The following ARHGAP8 variants were observed in gnomAD, a reference collection of about 807,000 sequenced individuals.
ARHGAP8 encodes the protein Rho GTPase activating protein 8.
ARHGAP8 carries 62 observed loss-of-function variants against 46.1 expected under a neutral mutation model. The observed-to-expected ratio is 1.34, with a 90% CI of 1.10 to 1.66. The LOEUF is 1.66. Ranked by LOEUF, ARHGAP8 falls within the 40% of genes most tolerant of loss-of-function variation. ARHGAP8 has a pLI of 0.00. For synonymous variants in ARHGAP8, 375 were observed against 243.1 expected, an observed-to-expected ratio of 1.54 and a Z score of -5.05; for missense variants, 923 against 568.4, an observed-to-expected ratio of 1.62 and a Z score of -6.34.
intron 1 of ARHGAP8, among the ~76,000 whole-genome samples, chr22:44,779,398 G>A (rs923387319): frequency 1.3e-5 from 2 of 151,672 alleles, no homozygotes; most frequent in Non-Finnish European, 2.9e-5. Flanking sequence ...ACTGCGCCCG[G>A]CCGGTGTCTG....
chr22:44,801,167 A>G (rs183896258), intron 2 of ARHGAP8, among the ~76,000 whole-genome samples: 10 of 27,780 alleles, frequency 3.6e-4, no homozygotes, highest in South Asian at 2.3e-3. Flanking sequence ...GCAGCTGTCC[A>G]TGTGTGGGGG....
intron 3 of ARHGAP8, among the ~76,000 whole-genome samples, chr22:44,804,927 C>T (rs948589863): frequency 3.3e-5 from 5 of 152,194 alleles, no homozygotes; most frequent in East Asian, 3.8e-4. Flanking sequence ...TGCTGCTGCA[C>T]GGCGAGACCT....
intron 8 of ARHGAP8, among the ~76,000 whole-genome samples, chr22:44,846,028 C>T (rs1035480655): frequency 6.6e-6 from 1 of 152,108 alleles, no homozygotes; most frequent in East Asian, 1.9e-4. Flanking sequence ...CCCATCCCCA[C>T]CACCAAGGCA....
intron 7 of ARHGAP8, among the ~76,000 whole-genome samples, chr22:44,839,369 C>A (rs1190857672): frequency 6.6e-6 from 1 of 152,182 alleles, no homozygotes; most frequent in African/African-American, 2.4e-5. Flanking sequence ...ACCAAACCAC[C>A]CATCGAGATT....
At chr22:44,803,762 C>T (rs1928741904) in intron 3 of ARHGAP8, among the ~76,000 whole-genome samples, 1 of 135,174 alleles carries the variant, frequency 7.4e-6, no homozygotes. Context: ...CACACACCCC[C>T]TCCCATGCAC....
intron 1 of ARHGAP8, among the ~76,000 whole-genome samples, chr22:44,774,307 GT>G (rs1308030152): frequency 6.6e-6 from 1 of 152,174 alleles, no homozygotes; most frequent in Admixed American, 6.5e-5. Flanking sequence ...CCAAGATGTA[GT>G]GAACTTCCTG....
intron 3 of ARHGAP8, among the ~76,000 whole-genome samples, chr22:44,806,541 C>T (rs1928932885): frequency 6.6e-6 from 1 of 152,116 alleles, no homozygotes; most frequent in South Asian, 2.1e-4. Context: ...GTTGACTTGT[C>T]TATAAAATGG....
At chr22:44,788,612 T>C (rs920147553) in intron 2 of ARHGAP8, among the ~76,000 whole-genome samples, 2 of 152,142 alleles carry the variant, frequency 1.3e-5, no homozygotes, top group African/African-American at 2.4e-5. Flanking sequence ...CAGGCTGGTC[T>C]CGAACTCCTG....
At chr22:44,810,235 C>T (rs1018272840) in intron 4 of ARHGAP8, among the ~76,000 whole-genome samples, 1 of 140,614 alleles carries the variant, frequency 7.1e-6, no homozygotes, top group Admixed American at 7.4e-5. Context: ...CATATGGCAG[C>T]CTTTTTTTTT....
intron 1 of ARHGAP8, among the ~76,000 whole-genome samples, chr22:44,773,948 C>T (rs1224819091): frequency 1.3e-5 from 2 of 152,182 alleles, no homozygotes; most frequent in South Asian, 2.1e-4. Flanking sequence ...TTACTGCATA[C>T]CAGTCACATA....
At position 44,813,403 on chromosome 22, in the gene ARHGAP8, TAC is replaced by T. The variant is rs953093648; in HGVS notation, c.300-1267_300-1266del. On this transcript the variant is annotated intron_variant, in intron 4 of 11. Transcript: ENST00000356099. ...CCCACCTACAGTACATACACCCACA[TAC>T]AGACACCTACATGTACATACACTTA... Among the ~76,000 whole-genome samples the T allele has an allele frequency of 3.6e-5, 5 of 138,368 alleles. No homozygotes were observed. In the South Asian group the frequency reaches 7.3e-4, roughly 20 times the overall value. 90.8% of individuals were successfully genotyped at this position (138,368 alleles called of 152,430 possible).
At chr22:44,766,275 G>C (rs1375585907) in intron 1 of ARHGAP8, 1 of 152,844 alleles carries the variant, frequency 6.5e-6, no homozygotes, top group African/African-American at 2.4e-5. Context: ...GTGAGAGGTT[G>C]TGCGTCCCTG....
At chr22:44,803,142 G>T (rs1246917625) in intron 3 of ARHGAP8, among the ~76,000 whole-genome samples, 4 of 152,174 alleles carry the variant, frequency 2.6e-5, no homozygotes, top group African/African-American at 7.2e-5. Flanking sequence ...GAGAACTAAG[G>T]CCAGGAAATG....
rs1171048122 is a variant in ARHGAP8, at chr22:44,795,020, GAC to G, written c.80-7053_80-7052del. On this transcript the variant is annotated intron_variant, in intron 2 of 11. Transcript: ENST00000356099. ...CATGCCACTGCACTCCAGCCTGGGT[GAC>G]ACAGCCAAACTCTGTCTCAAAAAAA... 2.1e-5 allele frequency among the ~76,000 whole-genome samples: 3 copies of G among 144,596 alleles called. No homozygotes were observed. In the East Asian group the frequency reaches 6.2e-4, roughly 30 times the overall value. The allele number at this position is 144,596 out of a possible 152,430, so 94.9% of individuals were successfully genotyped here. A position where few individuals can be genotyped will look rare whatever the true frequency, so the allele number is the denominator to read the frequency against.
chr22:44,844,079 C>T (rs552368465), intron 7 of ARHGAP8, among the ~76,000 whole-genome samples: 164 of 152,296 alleles, frequency 1.1e-3, no homozygotes, highest in African/African-American at 3.9e-3. Context: ...TCAAGTGATT[C>T]TCCTGCCTCA....
In ARHGAP8 at chr22:44,848,180, G is replaced by A. The variant is rs535358564; in HGVS notation, c.748+130G>A. 1,363 of 1,334,446 alleles carry A rather than the reference G, an allele frequency of 1.0e-3. 1 individual carries two copies. The highest frequency in any genetic ancestry group is 1.3e-3 in the Non-Finnish European group (1,314 of 977,086). The allele number at this position is 1,334,446 out of a possible 1,614,324, so 82.7% of individuals were successfully genotyped here. The stretch of plus-strand genomic sequence containing the variant: ...CAACTCCCAGAAAACACTCAGGGTG[G>A]GGGCAGCTTCCCAGGAGGCATCGAG... On this transcript the variant is annotated intron_variant, in intron 9 of 11. Coordinates refer to ENST00000356099, the MANE Select transcript of ARHGAP8 (RefSeq NM_181335.3).
chr22:44,862,200 A>T, intron 11 of ARHGAP8, 75 bp from the exon 12 acceptor site: 1 of 1,515,100 alleles, frequency 6.6e-7, no homozygotes, highest in Non-Finnish European at 8.9e-7. Flanking sequence ...GCCTCTCCCT[A>T]AGTTCGGGAG....
At chr22:44,824,069 C>G (rs887872334) in intron 6 of ARHGAP8, among the ~76,000 whole-genome samples, 2 of 152,152 alleles carry the variant, frequency 1.3e-5, no homozygotes, top group African/African-American at 4.8e-5. Context: ...TGGATTTTCT[C>G]CACCCCCACA....
chr22:44,862,226 C>G (rs191745711), intron 11 of ARHGAP8, 49 bp from the exon 12 acceptor site: 1 of 1,534,172 alleles, frequency 6.5e-7, no homozygotes, highest in Non-Finnish European at 8.8e-7. Context: ...TCCAGGTGCC[C>G]GTGCCCCTTG....
Sources: allele counts gnomAD v4.1 joint callset (sites outside exome capture counted in the v4.1 genomes callset), GRCh38; gene constraint gnomAD v4.1.1; transcripts MANE v1.5; gene names NCBI Gene and HGNC (gene_info 2026-07-23, HGNC 2026-07-21).